The following MTMR7 variants were observed in gnomAD, a reference collection of about 807,000 sequenced individuals.
MTMR7 encodes phosphatidylinositol-3-phosphate phosphatase MTMR7.
MTMR7 carries 76 observed loss-of-function variants against 81.2 expected under a neutral mutation model. That is an observed-to-expected ratio of 0.94 (90% CI 0.78 to 1.13). The LOEUF is 1.13. Ranked by LOEUF, MTMR7 falls within the 50% of genes most tolerant of loss-of-function variation. The probability of loss-of-function intolerance (pLI) is 0.00; values close to 1 mark genes in which losing one functional copy is unlikely to be tolerated. For missense variants in MTMR7, 1,044 were observed against 820.0 expected, an observed-to-expected ratio of 1.27 and a Z score of -3.34; for synonymous variants, 372 against 289.8, an observed-to-expected ratio of 1.28 and a Z score of -2.88.
chr8:17,386,856 C>A (rs1820957700), intron 1 of MTMR7, among the ~76,000 whole-genome samples: 2 of 152,206 alleles, frequency 1.3e-5, no homozygotes, highest in South Asian at 4.1e-4. Context: ...ACAAACTGAG[C>A]ATAGAGCAGG....
At chr8:17,368,678 A>C (rs739338) in intron 3 of MTMR7, among the ~76,000 whole-genome samples, 51 of 152,094 alleles carry the variant, frequency 3.4e-4, no homozygotes, top group African/African-American at 1.1e-3. Flanking sequence ...AATGTTAGCA[A>C]TGCCTTTAAC....
At chr8:17,315,937 C>T (rs1410750206) in intron 7 of MTMR7, among the ~76,000 whole-genome samples, 1 of 152,158 alleles carries the variant, frequency 6.6e-6, no homozygotes, top group Non-Finnish European at 1.5e-5. Flanking sequence ...CACTTCAACC[C>T]AGGAGTTTGA....
At chr8:17,342,497 C>T (rs1361637332) in intron 5 of MTMR7, among the ~76,000 whole-genome samples, 2 of 152,170 alleles carry the variant, frequency 1.3e-5, no homozygotes, top group Non-Finnish European at 2.9e-5. Flanking sequence ...CATGAAGGGG[C>T]ACCCCAACTC....
intron 6 of MTMR7, among the ~76,000 whole-genome samples, chr8:17,332,027 A>G (rs1267933510): frequency 6.6e-6 from 1 of 151,960 alleles, no homozygotes; most frequent in Non-Finnish European, 1.5e-5. Flanking sequence ...CTGCGTGGCT[A>G]AAATCAAGAA....
rs140825852 is a variant in MTMR7 at position 17,371,180 on chromosome 8, G to C, written c.167C>G (p.Ser56Cys). 97 of 1,614,094 alleles carry C rather than the reference G, an allele frequency of 6.0e-5. No homozygotes were observed. The African/African-American group carries it at 1.1e-3, about 18-fold the overall frequency. Residue 56 changes from serine (S) to cysteine (C), a missense_variant, in exon 3 of 14, where the codon TCC becomes TGC. Physicochemically the swap from Ser to Cys is moderately radical, Grantham distance 112. Transcript: ENST00000180173. ...KETWILHSQI[S>C]TIEKQATTAT... Reference sequence around the variant, plus strand: ...GGTTGTTGCCTGTTTCTCAATGGTGGAAATCTGACTGTGAAGAATCTAGAA... The same window carrying C: ...GGTTGTTGCCTGTTTCTCAATGGTGCAAATCTGACTGTGAAGAATCTAGAA...
In MTMR7 at chr8:17,331,226, A is replaced by G; in HGVS notation, c.789T>C (p.Tyr263=). ...CGATAAACTGAAACTTGATATTGGA[A>G]TAATTGTCTTCATTCTCATAGCCTT... is the stretch of plus-strand genomic sequence containing the variant. ...AGKGYENEDN[Y]SNIKFQFIGI... The change falls in exon 7 of 14, where the codon TAT becomes TAC. Residue 263 remains tyrosine, a synonymous_variant. Coordinates refer to ENST00000180173, the MANE Select transcript of MTMR7 (RefSeq NM_004686.5). 6.2e-7 allele frequency: 1 copy of G among 1,612,738 alleles called. No homozygotes were observed. Among genetic ancestry groups the G allele is most frequent in the Non-Finnish European group, 8.5e-7 (1 of 1,179,588 alleles).
chr8:17,320,712 C>G (rs1341514340), intron 7 of MTMR7, among the ~76,000 whole-genome samples: 1 of 152,194 alleles, frequency 6.6e-6, no homozygotes, highest in African/African-American at 2.4e-5. Context: ...GATCTGATGC[C>G]TTGTGACAGT....
At chr8:17,337,379 A>C (rs1819275999) in intron 6 of MTMR7, among the ~76,000 whole-genome samples, 1 of 151,694 alleles carries the variant, frequency 6.6e-6, no homozygotes. Flanking sequence ...AAAAAAAAAA[A>C]AAGTGCCTGC....
At chr8:17,371,350 A>AC in intron 2 of MTMR7, 151 bp from the exon 3 acceptor site, 1 of 787,720 alleles carries the variant, frequency 1.3e-6, no homozygotes, top group Non-Finnish European at 1.9e-6. Flanking sequence ...AAGCACTGAG[A>AC]TGTTCCAGGT....
At position 17,395,892 on chromosome 8, in the gene MTMR7, A is replaced by G. The variant is rs549735530; in HGVS notation, c.24+17377T>C. On this transcript the variant is annotated intron_variant, in intron 1 of 13. Transcript: ENST00000180173. The stretch of plus-strand genomic sequence containing the variant: ...AGCAAAGCAGAATCTTTCACATTAC[A>G]AAGGAGCCATCCAGTATACTTTTAA... Among the ~76,000 whole-genome samples, 15 of 152,330 alleles carry G rather than the reference A, an allele frequency of 9.8e-5. No individual in the cohort carries two copies. In the South Asian group the frequency reaches 3.1e-3, roughly 32 times the overall value.
chr8:17,321,817 T>C (rs560619714), intron 7 of MTMR7, among the ~76,000 whole-genome samples: 5 of 152,160 alleles, frequency 3.3e-5, no homozygotes, highest in African/African-American at 9.6e-5. Context: ...TTGTTTTATA[T>C]AAAAGGACAA....
At chr8:17,405,225 C>A (rs1175349034) in intron 1 of MTMR7, among the ~76,000 whole-genome samples, 3 of 152,180 alleles carry the variant, frequency 2.0e-5, no homozygotes, top group Non-Finnish European at 4.4e-5. Context: ...CTGTCAAGAA[C>A]TAGGAAGTGT....
intron 1 of MTMR7, among the ~76,000 whole-genome samples, chr8:17,409,814 G>A (rs1211117982): frequency 6.6e-6 from 1 of 152,184 alleles, no homozygotes; most frequent in Non-Finnish European, 1.5e-5. Context: ...TATTTAGCCA[G>A]GTGAAGAGTG....
rs778221615 is a variant in MTMR7 at position 17,300,125 on chromosome 8, T to C, written c.1720A>G (p.Ser574Gly). Residue 574 changes from serine to glycine, a missense_variant, in exon 14 of 14, where the codon AGC becomes GGC. Coordinates refer to ENST00000180173, the MANE Select transcript of MTMR7 (RefSeq NM_004686.5). Reference protein sequence around the residue: ...KHSGFSTSDNSIANTPQDYSG... With the variant: ...KHSGFSTSDNGIANTPQDYSG... ...TAATCCTGGGGAGTGTTGGCTATGC[T>C]GTTGTCTGAGGTAGAAAACCCTGAG... 2 of 1,614,172 alleles carry C rather than the reference T, an allele frequency of 1.2e-6. No homozygotes were observed. Among genetic ancestry groups the C allele is most frequent in the Non-Finnish European group, 8.5e-7 (1 of 1,180,012 alleles).
intron 7 of MTMR7, among the ~76,000 whole-genome samples, chr8:17,319,511 C>A (rs147240139): frequency 1.6e-4 from 24 of 152,268 alleles, no homozygotes; most frequent in Admixed American, 2.6e-4. Context: ...AGACAAACCT[C>A]GAGTTTTTGC....
At chr8:17,327,954 A>C (rs1429763860) in intron 7 of MTMR7, among the ~76,000 whole-genome samples, 1 of 152,252 alleles carries the variant, frequency 6.6e-6, no homozygotes, top group Non-Finnish European at 1.5e-5. Context: ...AATCTCATAC[A>C]ATCATTTAAA....
chr8:17,313,269 T>G, intron 8 of MTMR7, 23 bp downstream of exon 8: 1 of 1,563,638 alleles, frequency 6.4e-7, no homozygotes, highest in Non-Finnish European at 8.8e-7. Flanking sequence ...GTCCCTTAAT[T>G]TATTTTCTCT....
chr8:17,400,088 T>C (rs1821380740), intron 1 of MTMR7, among the ~76,000 whole-genome samples: 1 of 152,078 alleles, frequency 6.6e-6, no homozygotes, highest in African/African-American at 2.4e-5. Flanking sequence ...GAATTATAGA[T>C]GAAGTATGGT....
At chr8:17,372,750 T>C (rs1024853937) in intron 2 of MTMR7, among the ~76,000 whole-genome samples, 4 of 152,120 alleles carry the variant, frequency 2.6e-5, no homozygotes, top group African/African-American at 9.7e-5. Flanking sequence ...AATGACCAAA[T>C]GGCTGCATTA....
Sources: allele counts gnomAD v4.1 joint callset (sites outside exome capture counted in the v4.1 genomes callset), GRCh38; gene constraint gnomAD v4.1.1; transcripts MANE v1.5; gene names NCBI Gene and HGNC (gene_info 2026-07-23, HGNC 2026-07-21).